The following AP2A1 variants were observed in gnomAD, a reference collection of about 807,000 sequenced individuals.
AP2A1 encodes adaptor related protein complex 2 subunit alpha 1.
Under a neutral mutation model 107.3 loss-of-function variants are expected in AP2A1, and 21 were observed. The ratio of observed to expected loss-of-function variants is 0.20; its 90% CI spans 0.14 to 0.28. AP2A1 has a LOEUF of 0.28. Among genes scored for constraint, AP2A1 ranks in the 10% least tolerant of loss-of-function variants. The pLI is 1.00. For synonymous variants in AP2A1, 602 were observed against 564.8 expected (o/e 1.07, Z -0.93); for missense variants, 873 against 1,307.7 (o/e 0.67, Z 5.13).
Position 49,782,743 on chromosome 19 carries a change from G to A in AP2A1, c.473+19G>A, listed in dbSNP as rs115806521. ...TGGCCGGGTAAGGCACTGGGGACCC[G>A]TTGGCAGTGGGGGGCCTGGGGGTGA... On this transcript the variant is annotated intron_variant, in intron 4 of 22. Transcript: ENST00000354293. 7.6e-4 allele frequency: 1,188 copies of A among 1,567,988 alleles called. 5 individuals carry two copies. In the African/African-American group the frequency reaches 0.012, roughly 16 times the overall value.
intron 1 of AP2A1, among the ~76,000 whole-genome samples, chr19:49,776,983 C>T (rs1378286525): frequency 6.6e-6 from 1 of 151,662 alleles, no homozygotes; most frequent in Non-Finnish European, 1.5e-5. Flanking sequence ...TAGCACTTTA[C>T]TTTGGGAGGC....
intron 1 of AP2A1, among the ~76,000 whole-genome samples, chr19:49,775,014 A>G (rs1269957980): frequency 6.6e-6 from 1 of 151,972 alleles, no homozygotes; most frequent in East Asian, 1.9e-4. Flanking sequence ...GGTTGAGCCC[A>G]GGAGTTTGAG....
intron 4 of AP2A1, 101 bp from the exon 5 acceptor site, chr19:49,791,834 G>A (rs748062337): frequency 2.1e-6 from 3 of 1,451,462 alleles, no homozygotes; most frequent in South Asian, 2.6e-5. Flanking sequence ...CCCTCTCGCT[G>A]GCCTCGCACA....
chr19:49,798,375 C>T (rs1220635747), intron 7 of AP2A1, among the ~76,000 whole-genome samples: 2 of 152,154 alleles, frequency 1.3e-5, no homozygotes, highest in Non-Finnish European at 2.9e-5. Context: ...GTGGCTTGTG[C>T]ATTTTTGTCA....
chr19:49,806,223 G>C lies in AP2A1; in HGVS notation c.2760G>C (p.Leu920=). 6.2e-7 allele frequency: 1 copy of C among 1,607,528 alleles called. No homozygotes were observed. The highest frequency in any genetic ancestry group is 1.1e-5 in the South Asian group (1 of 89,684). Residue 920 remains leucine, a synonymous_variant, in exon 22 of 23, where the codon CTG becomes CTC. Coordinates refer to ENST00000354293, the MANE Select transcript of AP2A1 (RefSeq NM_130787.3). ...CTAAAGCCCTGCAGGTGGGCTGTCTGCTTCGGCTGGAGCCCAATGCCCAGG... is the reference window on the plus strand; with the variant it reads ...CTAAAGCCCTGCAGGTGGGCTGTCTCCTTCGGCTGGAGCCCAATGCCCAGG... ...IQTKALQVGC[L]LRLEPNAQAQ...
Position 49,782,665 on chromosome 19 carries a change from G to C in AP2A1, c.414G>C (p.Val138=), listed in dbSNP as rs1280529227. The C allele has an allele frequency of 1.2e-6, 2 of 1,612,470 alleles. No homozygotes were observed. The highest frequency in any genetic ancestry group is 1.7e-6 in the Non-Finnish European group (2 of 1,179,628). ...MCLALHCIAN[V]GSREMGEAFA... ...TGGCCCTGCACTGCATCGCCAACGT[G>C]GGCAGCCGGGAGATGGGCGAGGCCT... Residue 138 remains valine (V), a synonymous_variant, in exon 4 of 23, where the codon GTG becomes GTC. Transcript: ENST00000354293.
At chr19:49,776,721 A>T (rs147252369) in intron 1 of AP2A1, among the ~76,000 whole-genome samples, 2,600 of 152,264 alleles carry the variant, frequency 0.017, 30 homozygotes, top group Non-Finnish European at 0.025. Flanking sequence ...CCACCCCAGT[A>T]GCACCCATAC....
At chr19:49,794,974 A>C (rs1261477340) in intron 6 of AP2A1, among the ~76,000 whole-genome samples, 1 of 152,182 alleles carries the variant, frequency 6.6e-6, no homozygotes, top group African/African-American at 2.4e-5. Context: ...TGATCTTTCA[A>C]TCTTTCACTA....
intron 4 of AP2A1, among the ~76,000 whole-genome samples, chr19:49,789,853 T>G (rs17370523): frequency 0.2 from 30,037 of 152,132 alleles, 3,164 homozygotes; most frequent in South Asian, 0.38. Context: ...CACAACCTCA[T>G]GCAGGCGTGT....
intron 6 of AP2A1, among the ~76,000 whole-genome samples, 151 bp downstream of exon 6, chr19:49,793,243 T>C (rs2073169265): frequency 6.6e-6 from 1 of 152,150 alleles, no homozygotes; most frequent in Non-Finnish European, 1.5e-5. Flanking sequence ...GCTCGGCCTC[T>C]TCCTGGCTGG....
At chr19:49,801,690 C>A in intron 13 of AP2A1, 32 bp from the exon 14 acceptor site, 1 of 1,535,330 alleles carries the variant, frequency 6.5e-7, no homozygotes, top group East Asian at 2.4e-5. Context: ...CCTCCTGACC[C>A]GAACTGACCT....
At position 49,767,120 on chromosome 19, in the gene AP2A1, A is replaced by G; in HGVS notation, c.-14A>G. The G allele has an allele frequency of 6.2e-7, 1 of 1,610,350 alleles. No individual in the cohort carries two copies. The highest frequency in any genetic ancestry group is 8.5e-7 in the Non-Finnish European group (1 of 1,179,490). On this transcript the variant is annotated 5_prime_UTR_variant, in exon 1 of 23. Transcript: ENST00000354293. ...CCCTGTCCGGCCAGGCCTGGAGCCGACACCACCGCCATCATGCCGGCCGTG... is the reference window on the plus strand; with the variant it reads ...CCCTGTCCGGCCAGGCCTGGAGCCGGCACCACCGCCATCATGCCGGCCGTG...
chr19:49,805,282 T>C lies in AP2A1; in HGVS notation c.2345-171T>C, dbSNP rs144881918. ...AGGCACCTAGGGGGCGCCTCAGAGG[T>C]TTCCATAGTATGAACTTTGTAGTTG... On this transcript the variant is annotated intron_variant, in intron 18 of 22. Transcript: ENST00000354293. The C allele has an allele frequency of 2.5e-4, 187 of 757,512 alleles. No homozygotes were observed. In the African/African-American group the frequency reaches 3.1e-3, roughly 13 times the overall value. The allele number at this position is 757,512 out of a possible 1,614,324, so 46.9% of individuals were successfully genotyped here. A position where few individuals can be genotyped will look rare whatever the true frequency, so the allele number is the denominator to read the frequency against.
intron 22 of AP2A1, chr19:49,806,471 A>G: frequency 1.4e-6 from 2 of 1,436,802 alleles, no homozygotes; most frequent in Non-Finnish European, 1.8e-6. Flanking sequence ...CCTGATTTCT[A>G]CCTTTCCATA....
chr19:49,767,531 A>G (rs2084515290), intron 1 of AP2A1, among the ~76,000 whole-genome samples: 1 of 152,080 alleles, frequency 6.6e-6, no homozygotes, highest in African/African-American at 2.4e-5. Context: ...CGATGGGGTT[A>G]GAGGGATTCC....
chr19:49,803,516 A>C (rs2073320019), intron 18 of AP2A1, 140 bp downstream of exon 18: 2 of 698,644 alleles, frequency 2.9e-6, no homozygotes, highest in Non-Finnish European at 5.0e-6. Context: ...GAGTGTCTGC[A>C]TCTGTTAAGA....
At chr19:49,779,774 C>T (rs534712910) in intron 1 of AP2A1, among the ~76,000 whole-genome samples, 5 of 152,254 alleles carry the variant, frequency 3.3e-5, no homozygotes, top group African/African-American at 1.2e-4. Context: ...TTCTAAATCC[C>T]GTGTATGTTT....
chr19:49,781,288 C>G (rs1261090311), intron 1 of AP2A1, among the ~76,000 whole-genome samples: 1 of 152,092 alleles, frequency 6.6e-6, no homozygotes, highest in East Asian at 1.9e-4. Flanking sequence ...ACCCAAGGGT[C>G]TGACCTGGTG....
rs969892032 is a variant in AP2A1 at position 49,788,383 on chromosome 19, T to C, written c.474-3552T>C. The stretch of plus-strand genomic sequence containing the variant: ...CTTATTCCTTTGTGTGGTATCCTTA[T>C]CTGTAAATGGAGATGATAGAATCCG... On this transcript the variant is annotated intron_variant, in intron 4 of 22. Coordinates refer to ENST00000354293, the MANE Select transcript of AP2A1 (RefSeq NM_130787.3). This position sits in a 1 kb window ranked among gnomAD's most constrained non-coding sequence, Gnocchi z 4.5. Among the ~76,000 whole-genome samples, 2 of 152,228 alleles carry C rather than the reference T, an allele frequency of 1.3e-5. No homozygotes were observed. The highest frequency in any genetic ancestry group is 6.5e-5 in the Admixed American group (1 of 15,280).
Sources: gnomAD v4.1 joint callset for allele counts (sites outside exome capture counted in the v4.1 genomes callset) on GRCh38, gnomAD v4.1.1 for gene constraint, Gnocchi (gnomAD v3.1) non-coding constraint, MANE v1.5 for transcripts, NCBI Gene and HGNC (gene_info 2026-07-23, HGNC 2026-07-21) for gene names.